The following SLC37A1 variants were observed in gnomAD, a reference collection of about 807,000 sequenced individuals.
SLC37A1 encodes the protein glucose-6-phosphate exchanger SLC37A1.
In SLC37A1, 49 loss-of-function variants were observed where a neutral mutation model predicts 75.3. The ratio of observed to expected loss-of-function variants is 0.65; its 90% CI spans 0.52 to 0.83. The LOEUF is 0.83. SLC37A1 is among the 40% of genes least tolerant of loss of function. The pLI is 0.00. For synonymous variants in SLC37A1, 268 were observed against 292.1 expected, an observed-to-expected ratio of 0.92 and a Z score of 0.84; for missense variants, 566 against 695.0, an observed-to-expected ratio of 0.81 and a Z score of 2.09.
intron 7 of SLC37A1, 124 bp downstream of exon 7, chr21:42,542,604 C>A: frequency 2.2e-6 from 2 of 917,006 alleles, no homozygotes; most frequent in Non-Finnish European, 3.3e-6. Context: ...ATGGCTGAAA[C>A]CTCTGGGGCT....
chr21:42,513,658 C>T (rs1012351868), upstream of SLC37A1, among the ~76,000 whole-genome samples: 2 of 150,654 alleles, frequency 1.3e-5, no homozygotes, highest in African/African-American at 2.4e-5. Flanking sequence ...CCGCAAAGGC[C>T]GGGCAGTGCC....
intron 9 of SLC37A1, among the ~76,000 whole-genome samples, chr21:42,549,351 C>A (rs530652312): frequency 4.9e-4 from 74 of 152,296 alleles, no homozygotes; most frequent in African/African-American, 1.8e-3. Context: ...GGCATTGCTT[C>A]TGCTCCTCGT....
intron 18 of SLC37A1, among the ~76,000 whole-genome samples, chr21:42,576,268 C>A (rs2839560): frequency 0.057 from 8,715 of 151,994 alleles, 879 homozygotes; most frequent in African/African-American, 0.2. Context: ...CACAGGAAGA[C>A]AATGGGAATC....
At chr21:42,508,282 C>T (rs896974040) in intron 2 of SLC37A1, among the ~76,000 whole-genome samples, 1 of 152,036 alleles carries the variant, frequency 6.6e-6, no homozygotes, top group Admixed American at 6.5e-5. Context: ...GTGCCCGCCA[C>T]CATGCCTGGC....
intron 2 of SLC37A1, among the ~76,000 whole-genome samples, chr21:42,521,090 C>T (rs867492920): frequency 1.3e-5 from 2 of 152,194 alleles, no homozygotes; most frequent in Non-Finnish European, 2.9e-5. Context: ...AGGCACAGAA[C>T]GCCATGGATG....
intron 10 of SLC37A1, among the ~76,000 whole-genome samples, chr21:42,554,999 T>C (rs2055651628): frequency 6.7e-6 from 1 of 150,108 alleles, no homozygotes; most frequent in Non-Finnish European, 1.5e-5. Flanking sequence ...TTTTTTTTTT[T>C]TTTTGAGACA....
chr21:42,534,623 TC>T, intron 3 of SLC37A1, 74 bp from the exon 4 acceptor site: 1 of 1,527,332 alleles, frequency 6.5e-7, no homozygotes, highest in Non-Finnish European at 8.9e-7. Context: ...GGGTGACTGT[TC>T]CTCTCTGTGC....
rs2055308502 is a variant in SLC37A1, at chr21:42,542,494, G to A, written c.563+14G>A. ...TGGAAAAGGAAGGTGAGAAAAAGCAGCCCTGTTTCCAATAGCAGATGAAAA... is the reference window on the plus strand; with the variant it reads ...TGGAAAAGGAAGGTGAGAAAAAGCAACCCTGTTTCCAATAGCAGATGAAAA... On this transcript the variant is annotated intron_variant, in intron 7 of 19. Transcript: ENST00000352133. The A allele has an allele frequency of 6.2e-7, 1 of 1,613,626 alleles. No homozygotes were observed. Among genetic ancestry groups the A allele is most frequent in the Admixed American group, 1.7e-5 (1 of 59,994 alleles).
At chr21:42,518,033 C>T (rs1027120664) in intron 1 of SLC37A1, among the ~76,000 whole-genome samples, 6 of 152,176 alleles carry the variant, frequency 3.9e-5, no homozygotes, top group African/African-American at 1.4e-4. Flanking sequence ...TTTTATCCAC[C>T]ATCAGAACAT....
At chr21:42,575,452 A>G in intron 18 of SLC37A1, 3 of 985,444 alleles carry the variant, frequency 3.0e-6, no homozygotes, top group Non-Finnish European at 3.6e-6. Context: ...CAGTGCAGAC[A>G]CTGAGTCGCC....
At chr21:42,568,033 GC>G (rs1445026996) in intron 16 of SLC37A1, among the ~76,000 whole-genome samples, 4 of 152,402 alleles carry the variant, frequency 2.6e-5, no homozygotes, top group Admixed American at 2.6e-4. Flanking sequence ...CAGGGCAGGG[GC>G]GCGCGTTGCG....
chr21:42,534,949 C>T, intron 4 of SLC37A1, 119 bp downstream of exon 4: 4 of 1,367,152 alleles, frequency 2.9e-6, no homozygotes, highest in Non-Finnish European at 2.9e-6. Context: ...TGACAGCCCT[C>T]TCCTACCAAA....
At chr21:42,559,512 C>G (rs1196777178) in intron 11 of SLC37A1, among the ~76,000 whole-genome samples, 1 of 152,216 alleles carries the variant, frequency 6.6e-6, no homozygotes, top group Admixed American at 6.5e-5. Flanking sequence ...GAGCGTGAGC[C>G]CATGGGAGGC....
chr21:42,564,873 A>G, intron 14 of SLC37A1, 80 bp downstream of exon 14: 1 of 1,340,516 alleles, frequency 7.5e-7, no homozygotes, highest in Non-Finnish European at 1.0e-6. Flanking sequence ...GCATCCTTCC[A>G]TCTGGCCCGT....
intron 6 of SLC37A1, 52 bp downstream of exon 6, chr21:42,539,699 G>A (rs751344695): frequency 4.1e-5 from 64 of 1,562,614 alleles, no homozygotes; most frequent in Non-Finnish European, 5.2e-5. Context: ...TTGGTGAATA[G>A]GGTGGAGTGT....
At chr21:42,538,108 A>C (rs2055186907) in intron 5 of SLC37A1, among the ~76,000 whole-genome samples, 1 of 152,182 alleles carries the variant, frequency 6.6e-6, no homozygotes, top group South Asian at 2.1e-4. Flanking sequence ...AAGATTAGAG[A>C]ATACTTCTAA....
In SLC37A1 at chr21:42,517,513, CGAGG is replaced by C. The variant is rs374752692; in HGVS notation, c.-178-759_-178-756del. Among the ~76,000 whole-genome samples the C allele has an allele frequency of 1.5e-4, 23 of 152,250 alleles. No individual in the cohort carries two copies. In the East Asian group the frequency reaches 4.1e-3, roughly 27 times the overall value. On this transcript the variant is annotated intron_variant, in intron 1 of 19. Transcript: ENST00000352133. Reference sequence around the variant, plus strand: ...ATGTGCATTTTTGGAAGCTCACTTTCGAGGGAGGCAAAAGTGAATGTGGGGAACT... The same window carrying C: ...ATGTGCATTTTTGGAAGCTCACTTTCGAGGCAAAAGTGAATGTGGGGAACT...
intron 16 of SLC37A1, 152 bp from the exon 17 acceptor site, chr21:42,568,208 C>A: frequency 1.5e-6 from 1 of 655,726 alleles, no homozygotes; most frequent in Non-Finnish European, 2.7e-6. Flanking sequence ...TTTTAACTCT[C>A]CAAGGCAAGC....
chr21:42,574,685 G>A (rs1445414308), intron 17 of SLC37A1, 133 bp from the exon 18 acceptor site: 1 of 779,796 alleles, frequency 1.3e-6, no homozygotes, highest in African/African-American at 1.7e-5. Context: ...GATAGGCCAG[G>A]ATGAGGTAGT....
Sources: gnomAD v4.1 joint callset for allele counts (sites outside exome capture counted in the v4.1 genomes callset) on GRCh38, gnomAD v4.1.1 for gene constraint, MANE v1.5 for transcripts, NCBI Gene and HGNC (gene_info 2026-07-23, HGNC 2026-07-21) for gene names.